The following CCBE1 variants were observed in gnomAD, a reference collection of about 807,000 sequenced individuals.
CCBE1 encodes the protein collagen and calcium-binding EGF domain-containing protein 1.
A neutral mutation model predicts 50.0 loss-of-function variants in CCBE1; 37 were observed. The observed-to-expected ratio is 0.74, with a 90% CI of 0.57 to 0.97. The LOEUF (loss-of-function observed/expected upper bound fraction) is 0.97, where lower values mean the gene tolerates loss of function less well. CCBE1 is among the 50% of genes least tolerant of loss of function. The pLI is 0.00. For missense variants in CCBE1, 538 were observed against 523.8 expected (o/e 1.03, Z -0.26); for synonymous variants, 234 against 203.7 (o/e 1.15, Z -1.27).
In CCBE1 at chr18:59,543,506, G is replaced by A. The variant is rs765899370; in HGVS notation, c.213-63268C>T. On this transcript the variant is annotated intron_variant, in intron 2 of 10. Transcript: ENST00000439986. ...ATGATGCTGGTTAAGTTGAAGACAA[G>A]GATTGTATCCATAAAACTAATGCGA... is the stretch of plus-strand genomic sequence containing the variant. Among the ~76,000 whole-genome samples, 67 of 152,138 alleles carry A rather than the reference G, an allele frequency of 4.4e-4. 1 individual carries two copies. The highest frequency in any genetic ancestry group is 7.4e-5 in the Non-Finnish European group (5 of 68,018).
chr18:59,549,739 T>G (rs1176308722), intron 2 of CCBE1, among the ~76,000 whole-genome samples: 5 of 152,162 alleles, frequency 3.3e-5, no homozygotes, highest in African/African-American at 1.2e-4. Flanking sequence ...CTAGCAAAAT[T>G]TGTGGACAAC....
At chr18:59,622,873 G>A (rs1200253071) in intron 2 of CCBE1, among the ~76,000 whole-genome samples, 1 of 151,330 alleles carries the variant, frequency 6.6e-6, no homozygotes, top group African/African-American at 2.4e-5. Flanking sequence ...GAGAGAGGGA[G>A]GGATAGGGGG....
At chr18:59,480,470 T>C (rs1449752074) in intron 2 of CCBE1, among the ~76,000 whole-genome samples, 1 of 152,134 alleles carries the variant, frequency 6.6e-6, no homozygotes, top group African/African-American at 2.4e-5. Flanking sequence ...GAAATCAACA[T>C]TTTGAATCCT....
At chr18:59,612,755 G>A (rs1380907561) in intron 2 of CCBE1, among the ~76,000 whole-genome samples, 2 of 151,092 alleles carry the variant, frequency 1.3e-5, no homozygotes, top group Non-Finnish European at 2.9e-5. Context: ...CTTACAACTG[G>A]CCTTGGGTGA....
At chr18:59,451,589 C>A (rs1910935290) in intron 6 of CCBE1, among the ~76,000 whole-genome samples, 1 of 152,160 alleles carries the variant, frequency 6.6e-6, no homozygotes, top group Admixed American at 6.5e-5. Flanking sequence ...TCCCACACCA[C>A]AGAAGAAGTG....
At chr18:59,545,186 T>C (rs1176497354) in intron 2 of CCBE1, among the ~76,000 whole-genome samples, 1 of 152,192 alleles carries the variant, frequency 6.6e-6, no homozygotes, top group East Asian at 1.9e-4. Context: ...TCTTATACGG[T>C]ATCTCGCTGT....
At chr18:59,685,894 G>A (rs1291664624) in intron 2 of CCBE1, 1 of 152,240 alleles carries the variant, frequency 6.6e-6, no homozygotes, top group Admixed American at 6.5e-5. Flanking sequence ...TTGTGATTGG[G>A]TAGGTCTGGG....
At chr18:59,462,539 T>C (rs4940463) in intron 5 of CCBE1, 130,581 of 152,124 alleles carry the variant, frequency 0.86, 56,156 homozygotes, top group Middle Eastern at 0.96. Context: ...GCATGTACCA[T>C]TATGCTCAGC....
chr18:59,695,975 CAG>C (rs1168138416), intron 2 of CCBE1, among the ~76,000 whole-genome samples: 1 of 152,234 alleles, frequency 6.6e-6, no homozygotes, highest in Admixed American at 6.5e-5. Flanking sequence ...TCTCTCCTTT[CAG>C]AGACAAGAAC....
At chr18:59,665,040 CCCTAGTGCAATTTTTT>C (rs1037271915) in intron 2 of CCBE1, among the ~76,000 whole-genome samples, 3 of 152,016 alleles carry the variant, frequency 2.0e-5, no homozygotes, top group African/African-American at 7.2e-5. Flanking sequence ...TCAAACAGGA[CCCTAGTGCAATTTTTT>C]CCTCATTGCT....
At chr18:59,564,837 G>C (rs149211776) in intron 2 of CCBE1, among the ~76,000 whole-genome samples, 6 of 152,204 alleles carry the variant, frequency 3.9e-5, no homozygotes, top group Non-Finnish European at 7.3e-5. Context: ...GCCTGGCCTT[G>C]GTCCATGGTG....
At chr18:59,581,013 A>G (rs538558828) in intron 2 of CCBE1, among the ~76,000 whole-genome samples, 1 of 152,232 alleles carries the variant, frequency 6.6e-6, no homozygotes. Context: ...TAACTTGAGC[A>G]TCAGTCGCCA....
At chr18:59,653,233 A>C (rs2054148360) in intron 2 of CCBE1, among the ~76,000 whole-genome samples, 1 of 152,164 alleles carries the variant, frequency 6.6e-6, no homozygotes, top group Non-Finnish European at 1.5e-5. Context: ...GAGCTGGCAA[A>C]TATTCCCCTA....
At chr18:59,632,265 A>T (rs1482702237) in intron 2 of CCBE1, among the ~76,000 whole-genome samples, 1 of 152,174 alleles carries the variant, frequency 6.6e-6, no homozygotes, top group Non-Finnish European at 1.5e-5. Context: ...ATTTATAGGC[A>T]TTCTGGGCTG....
At chr18:59,617,643 C>T (rs1377891937) in intron 2 of CCBE1, among the ~76,000 whole-genome samples, 1 of 152,222 alleles carries the variant, frequency 6.6e-6, no homozygotes, top group Non-Finnish European at 1.5e-5. Flanking sequence ...ATGCCCCTGC[C>T]GCTCTGGCTG....
intron 5 of CCBE1, among the ~76,000 whole-genome samples, chr18:59,462,156 T>A (rs1911514277): frequency 6.6e-6 from 1 of 152,208 alleles, no homozygotes; most frequent in Non-Finnish European, 1.5e-5. Context: ...TCTCTCAATA[T>A]GGCAGAATGG....
At chr18:59,497,973 C>T (rs976773065) in intron 2 of CCBE1, among the ~76,000 whole-genome samples, 4 of 152,198 alleles carry the variant, frequency 2.6e-5, no homozygotes, top group African/African-American at 4.8e-5. Context: ...GCTGACTGGT[C>T]GTTAAGATAG....
At chr18:59,478,054 C>G (rs1271768040) in intron 3 of CCBE1, among the ~76,000 whole-genome samples, 1 of 152,158 alleles carries the variant, frequency 6.6e-6, no homozygotes, top group Non-Finnish European at 1.5e-5. Context: ...CTCATCCAAT[C>G]AGGTGAAGGT....
In CCBE1 at chr18:59,696,727, G is replaced by A. The variant is rs1454725561; in HGVS notation, c.132-18C>T. On this transcript the variant is annotated intron_variant, in intron 1 of 10. Transcript: ENST00000439986. The stretch of plus-strand genomic sequence containing the variant: ...AGATTTCTCTATGAAAAAGTGCAGA[G>A]GAAATGTTCGATTCTCAGCGGGAGA... The A allele has an allele frequency of 2.5e-6, 4 of 1,612,424 alleles. No individual in the cohort carries two copies. The highest frequency in any genetic ancestry group is 1.3e-5 in the African/African-American group (1 of 74,900).
Sources: allele counts gnomAD v4.1 joint callset (sites outside exome capture counted in the v4.1 genomes callset), GRCh38; gene constraint gnomAD v4.1.1; transcripts MANE v1.5; gene names NCBI Gene and HGNC (gene_info 2026-07-23, HGNC 2026-07-21).